ZDHHC17: variants seen among roughly 807,000 people sequenced by gnomAD.
ZDHHC17 encodes zDHHC palmitoyltransferase 17, also known as palmitoyltransferase ZDHHC17.
Under a neutral mutation model 90.3 loss-of-function variants are expected in ZDHHC17, and 40 were observed. The ratio of observed to expected loss-of-function variants is 0.44; its 90% CI spans 0.34 to 0.58. ZDHHC17 has a LOEUF of 0.58. Among genes scored for constraint, ZDHHC17 ranks in the 20% least tolerant of loss-of-function variants. The pLI, the probability that ZDHHC17 is intolerant of heterozygous loss-of-function variation, is 0.01. For synonymous variants in ZDHHC17, 235 were observed against 252.4 expected, an observed-to-expected ratio of 0.93 and a Z score of 0.65; for missense variants, 614 against 780.8, an observed-to-expected ratio of 0.79 and a Z score of 2.55.
At chr12:76,844,275 ATACT>A (rs1265691343) in intron 12 of ZDHHC17, 1 of 152,192 alleles carries the variant, frequency 6.6e-6, no homozygotes, top group Admixed American at 6.5e-5. Context: ...TATAAGCCAC[ATACT>A]TCTTGTTGTA....
intron 1 of ZDHHC17, among the ~76,000 whole-genome samples, chr12:76,773,924 ATTC>A (rs1250210234): frequency 1.3e-5 from 2 of 152,078 alleles, no homozygotes; most frequent in Non-Finnish European, 2.9e-5. Context: ...TATTCAGTCT[ATTC>A]TTTTGCTTAG....
At chr12:76,825,219 TG>T (rs558254180) in intron 8 of ZDHHC17, among the ~76,000 whole-genome samples, 1 of 152,190 alleles carries the variant, frequency 6.6e-6, no homozygotes, top group Admixed American at 6.5e-5. Context: ...ATGTTACCAT[TG>T]GGGGACAAAG....
chr12:76,772,274 T>G (rs1268276640), intron 1 of ZDHHC17, among the ~76,000 whole-genome samples: 1 of 152,224 alleles, frequency 6.6e-6, no homozygotes, highest in African/African-American at 2.4e-5. Context: ...ATTTGTGTTT[T>G]GTTTTTGAAT....
At chr12:76,789,184 C>T (rs907008840) in intron 1 of ZDHHC17, among the ~76,000 whole-genome samples, 1 of 152,070 alleles carries the variant, frequency 6.6e-6, no homozygotes, top group African/African-American at 2.4e-5. Flanking sequence ...GAGTTTACCC[C>T]AGTTAAAATG....
rs1424206620 is a variant in ZDHHC17, at chr12:76,789,808, T to C, written c.94-7626T>C. On this transcript the variant is annotated intron_variant, in intron 1 of 16. Transcript: ENST00000426126. ...ACGTCAAAGAAATCCCAGTTGAGGG[T>C]CATACTACAAAATACCTGACTAGTT... Among the ~76,000 whole-genome samples the C allele has an allele frequency of 3.3e-5, 5 of 151,998 alleles. No homozygotes were observed. The East Asian group carries it at 9.7e-4, about 29-fold the overall frequency.
At chr12:76,800,059 T>C (rs951741088) in intron 2 of ZDHHC17, among the ~76,000 whole-genome samples, 1 of 152,128 alleles carries the variant, frequency 6.6e-6, no homozygotes, top group Non-Finnish European at 1.5e-5. Context: ...GCTCAAAAAG[T>C]TTAGGATTTT....
intron 1 of ZDHHC17, among the ~76,000 whole-genome samples, chr12:76,788,578 A>G (rs1400597707): frequency 3.3e-5 from 5 of 152,054 alleles, no homozygotes; most frequent in Non-Finnish European, 7.4e-5. Context: ...TAATACAAAT[A>G]TATTAAGCAG....
rs1475989287 is a variant in ZDHHC17 at position 76,835,487 on chromosome 12, TTAGA to T, written c.1142-6493_1142-6490del. ...CTTATGTAGAAGTTTATATCTCTTG[TTAGA>T]TTTATTTTTAAAAGAATTTTAATTT... On this transcript the variant is annotated intron_variant, in intron 10 of 16. Coordinates refer to ENST00000426126, the MANE Select transcript of ZDHHC17 (RefSeq NM_015336.4). 6.6e-5 allele frequency among the ~76,000 whole-genome samples: 10 copies of T among 152,228 alleles called. 1 individual carries two copies. Among genetic ancestry groups the T allele is most frequent in the African/African-American group, 2.2e-4 (9 of 41,586 alleles).
chr12:76,827,505 G>C (rs1953243948), intron 9 of ZDHHC17, among the ~76,000 whole-genome samples: 1 of 152,106 alleles, frequency 6.6e-6, no homozygotes, highest in South Asian at 2.1e-4. Flanking sequence ...GAGTTTTTAA[G>C]ATTATTTTCT....
Position 76,815,220 on chromosome 12 carries a change from G to T in ZDHHC17, c.608+10G>T. The T allele has an allele frequency of 6.5e-7, 1 of 1,538,196 alleles. No individual in the cohort carries two copies. Among genetic ancestry groups the T allele is most frequent in the South Asian group, 1.2e-5 (1 of 80,598 alleles). ...CATATAGAACACATAGGTATGTAAT[G>T]ACTATAAAAAACTTATTTAGGCCAT... On this transcript the variant is annotated intron_variant, in intron 6 of 16. Transcript: ENST00000426126.
chr12:76,843,021 T>G lies in ZDHHC17; in HGVS notation c.1329+40T>G, dbSNP rs533880387. 7 of 1,537,672 alleles carry G rather than the reference T, an allele frequency of 4.6e-6. No individual in the cohort carries two copies. In the African/African-American group the frequency reaches 8.2e-5, roughly 18 times the overall value. Reference sequence around the variant, plus strand: ...TTTGTTCTTCCCTCCCTTCTCTTCCTCCTGACAGTGGCATAGCATAGCGGG... The same window carrying G: ...TTTGTTCTTCCCTCCCTTCTCTTCCGCCTGACAGTGGCATAGCATAGCGGG... On this transcript the variant is annotated intron_variant, in intron 12 of 16. Coordinates refer to ENST00000426126, the MANE Select transcript of ZDHHC17 (RefSeq NM_015336.4).
At chr12:76,769,171 G>T in intron 1 of ZDHHC17, 1 of 264,574 alleles carries the variant, frequency 3.8e-6, no homozygotes, top group Non-Finnish European at 8.0e-6. Flanking sequence ...CGATTCTCCT[G>T]CATCAGCCTC....
In ZDHHC17 at chr12:76,801,733, A is replaced by G. The variant is rs145508928; in HGVS notation, c.198-3584A>G. Among the ~76,000 whole-genome samples the G allele has an allele frequency of 5.3e-3, 814 of 152,340 alleles. 8 individuals carry two copies. Among genetic ancestry groups the G allele is most frequent in the African/African-American group, 0.017 (721 of 41,576 alleles). On this transcript the variant is annotated intron_variant, in intron 2 of 16. Coordinates refer to ENST00000426126, the MANE Select transcript of ZDHHC17 (RefSeq NM_015336.4). ...GAATTTATACAGATTAATGCCAATAACTTAATAAACTGTGCTCCTTTACAG... is the reference window on the plus strand; with the variant it reads ...GAATTTATACAGATTAATGCCAATAGCTTAATAAACTGTGCTCCTTTACAG...
intron 8 of ZDHHC17, 33 bp from the exon 9 acceptor site, chr12:76,826,875 C>A: frequency 6.7e-7 from 1 of 1,494,290 alleles, no homozygotes; most frequent in Non-Finnish European, 8.8e-7. Context: ...TTGAAACATG[C>A]AAAAACTTTT....
rs540245468 is a variant in ZDHHC17, at chr12:76,812,677, C to A, written c.544-2469C>A. On this transcript the variant is annotated intron_variant, in intron 5 of 16. Transcript: ENST00000426126. ...TGGCTACTATAGATGAGGCTCTCAG[C>A]ATATTTTCATTTCAACCTTTTTCCA... Among the ~76,000 whole-genome samples, 11 of 152,208 alleles carry A rather than the reference C, an allele frequency of 7.2e-5. No homozygotes were observed. In the East Asian group the frequency reaches 1.9e-3, roughly 27 times the overall value.
In ZDHHC17 at chr12:76,852,169, C is replaced by A. The variant is rs531367956; in HGVS notation, c.*1184C>A. 1 of 152,628 alleles carries A rather than the reference C, an allele frequency of 6.6e-6. No homozygotes were observed. The highest frequency in any genetic ancestry group is 1.9e-4 in the East Asian group (1 of 5,178). 9.5% of individuals were successfully genotyped at this position (152,628 alleles called of 1,614,324 possible). ...CAATTTTTGTCACAGCATTTTCATA[C>A]CTTCATGGTGGACTACTAGTCACTG... On this transcript the variant is annotated 3_prime_UTR_variant, in exon 17 of 17. Transcript: ENST00000426126.
At chr12:76,826,885 T>G in intron 8 of ZDHHC17, 23 bp from the exon 9 acceptor site, 1 of 1,499,728 alleles carries the variant, frequency 6.7e-7, no homozygotes, top group Non-Finnish European at 8.8e-7. Flanking sequence ...CAAAAACTTT[T>G]CTAATTTTTT....
chr12:76,823,031 G>A (rs886185379), intron 8 of ZDHHC17, among the ~76,000 whole-genome samples: 1 of 137,364 alleles, frequency 7.3e-6, no homozygotes, highest in Non-Finnish European at 1.6e-5. Flanking sequence ...TCTTACCTAC[G>A]TGGTTGGTGA....
At chr12:76,764,841 C>G (rs1952413288) in intron 1 of ZDHHC17, 1 of 456,238 alleles carries the variant, frequency 2.2e-6, no homozygotes, top group Non-Finnish European at 4.4e-6. Flanking sequence ...CCTCGGGCAC[C>G]TTGTGTCGGG....
Sources: allele counts gnomAD v4.1 joint callset (sites outside exome capture counted in the v4.1 genomes callset), GRCh38; gene constraint gnomAD v4.1.1; transcripts MANE v1.5; gene names NCBI Gene and HGNC (gene_info 2026-07-23, HGNC 2026-07-21).